Variants in SOX6 observed in about 807,000 individuals in gnomAD.
SOX6 encodes SRY-box transcription factor 6, also known as transcription factor SOX-6.
SOX6 carries 11 observed loss-of-function variants against 97.8 expected under a neutral mutation model. The ratio of observed to expected loss-of-function variants is 0.11; its 90% CI spans 0.07 to 0.19. SOX6 has a LOEUF of 0.19. Ranked by LOEUF, SOX6 falls within the 10% of genes least tolerant of loss-of-function variation. SOX6 has a pLI of 1.00. For missense variants in SOX6, 810 were observed against 1,039.5 expected, an observed-to-expected ratio of 0.78 and a Z score of 3.04; for synonymous variants, 360 against 371.4, an observed-to-expected ratio of 0.97 and a Z score of 0.35.
intron 1 of SOX6, among the ~76,000 whole-genome samples, chr11:16,462,667 A>G (rs2133107641): frequency 6.6e-6 from 1 of 152,372 alleles, no homozygotes; most frequent in East Asian, 1.9e-4. Context: ...GGTCACTGCT[A>G]AAAGACCAAA....
At chr11:16,157,750 G>T (rs1331070758) in intron 6 of SOX6, among the ~76,000 whole-genome samples, 29 of 151,922 alleles carry the variant, frequency 1.9e-4, no homozygotes, top group Admixed American at 1.9e-3. Context: ...CAGCCTTACT[G>T]AGAAATGAAT....
chr11:16,724,751 G>T (rs1405519343), intron 2 of SOX6, among the ~76,000 whole-genome samples: 1 of 152,146 alleles, frequency 6.6e-6, no homozygotes, highest in South Asian at 2.1e-4. Flanking sequence ...ATATTCATTA[G>T]TATACTTGGT....
Position 16,046,386 on chromosome 11 carries a change from A to G in SOX6, c.1623+128T>C, listed in dbSNP as rs545448562. The G allele has an allele frequency of 9.6e-6, 9 of 940,522 alleles. No homozygotes were observed. In the East Asian group the frequency reaches 1.5e-4, roughly 15 times the overall value. The allele number at this position is 940,522 out of a possible 1,614,324, so 58.3% of individuals were successfully genotyped here. A position where few individuals can be genotyped will look rare whatever the true frequency, so the allele number is the denominator to read the frequency against. ...GCTACATGACAGATTTCAGTAAAGTACAAGACAGCCCTCAAGCTGGAAGCC... is the reference window on the plus strand; with the variant it reads ...GCTACATGACAGATTTCAGTAAAGTGCAAGACAGCCCTCAAGCTGGAAGCC... On this transcript the variant is annotated intron_variant, in intron 12 of 15. Transcript: ENST00000683767.
chr11:16,381,931 G>T (rs1162656427), intron 1 of SOX6, among the ~76,000 whole-genome samples: 1 of 151,794 alleles, frequency 6.6e-6, no homozygotes, highest in African/African-American at 2.4e-5. Flanking sequence ...ATTTGTTAAG[G>T]TAGTGGGGAA....
chr11:16,022,373 T>TCCTC lies in SOX6; in HGVS notation c.1624-7327_1624-7324dup, dbSNP rs1393853893. 3.9e-3 allele frequency among the ~76,000 whole-genome samples: 517 copies of TCCTC among 132,556 alleles called. 3 individuals are homozygous for TCCTC. The highest frequency in any genetic ancestry group is 0.013 in the East Asian group (48 of 3,730). 87.0% of individuals were successfully genotyped at this position (132,556 alleles called of 152,430 possible). ...TTCCTTCCTTCCTTCCTTCCTTCCT[T>TCCTC]CCTCCCTCCCTCCCTTCCTCTCTCT... is the stretch of plus-strand genomic sequence containing the variant. On this transcript the variant is annotated intron_variant, in intron 12 of 15. Coordinates refer to ENST00000683767, the MANE Select transcript of SOX6 (RefSeq NM_001367873.1).
At chr11:16,092,648 A>G (rs1038930810) in intron 9 of SOX6, among the ~76,000 whole-genome samples, 1 of 151,944 alleles carries the variant, frequency 6.6e-6, no homozygotes, top group East Asian at 1.9e-4. Context: ...TATTTGCTAA[A>G]GAGAAGCATG....
At chr11:16,552,772 T>G (rs913724879) in intron 4 of SOX6, among the ~76,000 whole-genome samples, 59 of 152,272 alleles carry the variant, frequency 3.9e-4, no homozygotes, top group Admixed American at 1.2e-3. Context: ...TCAAAGGAGA[T>G]CTAAAAGGTT....
At chr11:16,336,972 CAT>C (rs1209646772) in intron 2 of SOX6, among the ~76,000 whole-genome samples, 3 of 152,116 alleles carry the variant, frequency 2.0e-5, no homozygotes, top group Admixed American at 6.6e-5. Context: ...TTCTCTATCA[CAT>C]GTTCTTACTT....
intron 10 of SOX6, among the ~76,000 whole-genome samples, chr11:16,052,494 A>G (rs1474266800): frequency 6.6e-6 from 1 of 152,014 alleles, no homozygotes; most frequent in Non-Finnish European, 1.5e-5. Flanking sequence ...TGCTTATCTC[A>G]TTTGGCTCTA....
chr11:16,345,884 G>A (rs1856764676), intron 1 of SOX6, among the ~76,000 whole-genome samples: 1 of 151,724 alleles, frequency 6.6e-6, no homozygotes, highest in African/African-American at 2.4e-5. Context: ...TTTCAAAACT[G>A]TCATTTGAAG....
intron 4 of SOX6, among the ~76,000 whole-genome samples, chr11:16,521,625 G>C (rs925082581): frequency 6.6e-6 from 1 of 152,192 alleles, no homozygotes; most frequent in Non-Finnish European, 1.5e-5. Context: ...GAACAAAGCT[G>C]GATGGAGAAT....
chr11:16,581,337 T>C (rs951946507), intron 4 of SOX6, among the ~76,000 whole-genome samples: 2 of 151,762 alleles, frequency 1.3e-5, no homozygotes, highest in South Asian at 4.2e-4. Flanking sequence ...CCTCAGCAAA[T>C]GAACACAGGA....
chr11:16,364,969 C>G (rs1451578554), intron 1 of SOX6, among the ~76,000 whole-genome samples: 2 of 152,076 alleles, frequency 1.3e-5, no homozygotes, highest in East Asian at 1.9e-4. Context: ...ACTTTTATCT[C>G]GGCCATTATC....
At chr11:16,392,223 A>T (rs1485404145) in intron 1 of SOX6, among the ~76,000 whole-genome samples, 1 of 152,146 alleles carries the variant, frequency 6.6e-6, no homozygotes, top group African/African-American at 2.4e-5. Context: ...GAAAATTGAA[A>T]ATAGTAGTTA....
Position 16,090,265 on chromosome 11 carries a change from T to C in SOX6, c.1101+5731A>G, listed in dbSNP as rs76534675. On this transcript the variant is annotated intron_variant, in intron 9 of 15. Coordinates refer to ENST00000683767, the MANE Select transcript of SOX6 (RefSeq NM_001367873.1). ...CATTGGTTTTGAGTATAGCTGACTA[T>C]CCCACCAATCAAATAACTCAAACAC... 2.9e-3 allele frequency among the ~76,000 whole-genome samples: 437 copies of C among 152,130 alleles called. 5 individuals carry two copies. Among genetic ancestry groups the C allele is most frequent in the African/African-American group, 0.01 (425 of 41,536 alleles).
chr11:16,628,926 C>T (rs561229648), intron 3 of SOX6, among the ~76,000 whole-genome samples: 42 of 152,152 alleles, frequency 2.8e-4, no homozygotes, highest in African/African-American at 8.4e-4. Flanking sequence ...AGAAATGATG[C>T]TGATTTTTGT....
chr11:16,062,893 G>A (rs1219540540), intron 9 of SOX6, among the ~76,000 whole-genome samples: 2 of 151,642 alleles, frequency 1.3e-5, no homozygotes, highest in East Asian at 3.9e-4. Flanking sequence ...AGGTTAGTCT[G>A]ACTTCCTTAT....
intron 1 of SOX6, among the ~76,000 whole-genome samples, chr11:16,376,338 G>A (rs964341638): frequency 1.3e-5 from 2 of 152,102 alleles, no homozygotes; most frequent in Non-Finnish European, 2.9e-5. Flanking sequence ...CTAGCAAGGA[G>A]TGGGAGTAGA....
At chr11:16,321,118 A>T (rs187571440) in intron 2 of SOX6, among the ~76,000 whole-genome samples, 396 of 152,270 alleles carry the variant, frequency 2.6e-3, no homozygotes, top group Middle Eastern at 6.8e-3. Context: ...AAATGCAGAG[A>T]TATATTTGTC....
Sources: gnomAD v4.1 joint callset for allele counts (sites outside exome capture counted in the v4.1 genomes callset) on GRCh38, gnomAD v4.1.1 for gene constraint, MANE v1.5 for transcripts, NCBI Gene and HGNC (gene_info 2026-07-23, HGNC 2026-07-21) for gene names.